The following TSPYL2 variants were observed in gnomAD, a reference collection of about 807,000 sequenced individuals.
The protein encoded by TSPYL2 is TSPY like 2, also known as testis-specific Y-encoded-like protein 2.
Under a neutral mutation model 33.0 loss-of-function variants are expected in TSPYL2, and 9 were observed. The observed-to-expected ratio is 0.27, with a 90% CI of 0.16 to 0.48. The LOEUF (loss-of-function observed/expected upper bound fraction) is 0.48, where lower values mean the gene tolerates loss of function less well. Ranked by LOEUF, TSPYL2 falls within the 20% of genes least tolerant of loss-of-function variation. The pLI is 0.99. For synonymous variants in TSPYL2, 330 were observed against 233.6 expected (o/e 1.41, Z -3.77); for missense variants, 636 against 586.2 (o/e 1.08, Z -0.88).
chrX:53,085,196 C>T (rs1932735129), intron 4 of TSPYL2, 31 bp from the exon 5 acceptor site: 2 of 1,184,041 alleles, frequency 1.7e-6, no homozygotes, highest in Middle Eastern at 2.4e-4. Context: ...GTACTAATGG[C>T]TGTCTTATTC....
At chrX:53,087,724 C>T in intron 6 of TSPYL2, 52 bp from the exon 7 acceptor site, 1 of 1,144,437 alleles carries the variant, frequency 8.7e-7, no homozygotes, top group Non-Finnish European at 1.2e-6. Context: ...CACCTATCTG[C>T]TCATCTAACT....
Position 53,085,882 on chromosome X carries a change from A to G in TSPYL2, c.1490A>G (p.Glu497Gly). The G allele has an allele frequency of 8.3e-7, 1 of 1,211,948 alleles. No individual in the cohort carries two copies. ...VPNNETTDNNESADDHETTDN... is the reference protein window; with the variant it reads ...VPNNETTDNNGSADDHETTDN... Reference sequence around the variant, plus strand: ...AACAACGAGACCACTGATAACAACGAGAGTGCTGATGACCACGAAACCACT... The same window carrying G: ...AACAACGAGACCACTGATAACAACGGGAGTGCTGATGACCACGAAACCACT... Residue 497 changes from glutamate (E) to glycine (G), a missense_variant, in exon 6 of 7, where the codon GAG becomes GGG. This residue lies in a region of TSPYL2 where 401 missense variants were observed against 363.0 expected (regional missense o/e 1.10). Transcript: ENST00000375442.
Position 53,085,720 on chromosome X carries a change from T to C in TSPYL2, c.1328T>C (p.Ile443Thr). Residue 443 changes from isoleucine to threonine, a missense_variant, in exon 6 of 7, where the codon ATT (isoleucine) becomes ACT (threonine). Ile to Thr is a moderately conservative substitution (Grantham distance 89). Transcript: ENST00000375442. ...VEDIFSEISDIDETIHDIKIS... is the reference protein window; with the variant it reads ...VEDIFSEISDTDETIHDIKIS... ...GACATTTTCAGCGAGATCTCAGACA[T>C]TGATGAGACAATTCATGACATCAAG... 2 of 1,211,584 alleles carry C rather than the reference T, an allele frequency of 1.7e-6. No individual in the cohort carries two copies. Among genetic ancestry groups the C allele is most frequent in the Non-Finnish European group, 2.2e-6 (2 of 895,351 alleles).
chrX:53,088,263 C>T lies in TSPYL2; in HGVS notation c.*324C>T. On this transcript the variant is annotated 3_prime_UTR_variant, in exon 7 of 7. Coordinates refer to ENST00000375442, the MANE Select transcript of TSPYL2 (RefSeq NM_022117.4). ...TGTGGCCCCAGCCCCTCTCCCTGTGCTGTGTGGAGTGGACACCCTGACCCC... is the reference window on the plus strand; with the variant it reads ...TGTGGCCCCAGCCCCTCTCCCTGTGTTGTGTGGAGTGGACACCCTGACCCC... 1 of 237,818 alleles carries T rather than the reference C, an allele frequency of 4.2e-6. No individual in the cohort carries two copies. Among genetic ancestry groups the T allele is most frequent in the South Asian group, 1.1e-4 (1 of 8,725 alleles). The allele number at this position is 237,818 out of a possible 1,213,427, so 19.6% of individuals were successfully genotyped here. A position where few individuals can be genotyped will look rare whatever the true frequency, so the allele number is the denominator to read the frequency against.
At chrX:53,087,345 G>C in intron 6 of TSPYL2, 1 of 122,755 alleles carries the variant, frequency 8.1e-6, no homozygotes, top group Admixed American at 8.2e-5. Flanking sequence ...CCAGCCCTGA[G>C]GGTGGGAGTG....
intron 1 of TSPYL2, among the ~76,000 whole-genome samples, chrX:53,084,044 G>T (rs1285882364): frequency 2.7e-5 from 3 of 111,812 alleles, no homozygotes; most frequent in Non-Finnish European, 5.7e-5. Context: ...GAGGCCCTTA[G>T]CACCCAGGCA....
At chrX:53,087,237 A>G (rs1446130435) in intron 6 of TSPYL2, 1 of 112,608 alleles carries the variant, frequency 8.9e-6, no homozygotes, top group Non-Finnish European at 1.9e-5. Flanking sequence ...CTCAATCTAG[A>G]CATGTTCAGG....
intron 1 of TSPYL2, among the ~76,000 whole-genome samples, chrX:53,083,605 A>G (rs1419617650): frequency 1.9e-5 from 2 of 107,657 alleles, no homozygotes; most frequent in African/African-American, 6.8e-5. Context: ...GATGATAAAA[A>G]GGGGGAGGGT....
Position 53,083,050 on chromosome X carries a change from G to C in TSPYL2, c.552G>C (p.Arg184Ser). Residue 184 changes from arginine to serine, a missense_variant, in exon 1 of 7, where the codon AGG becomes AGC. Transcript: ENST00000375442. ...ATGAGGATGAGCGGGAGAGTATGAG[G>C]AGCAGCAGGAGGCGGCGGCGGCGGC... ...DEDEDERESM[R>S]SSRRRRRRRR... is the part of the protein sequence containing the mutation. 8.3e-7 allele frequency: 1 copy of C among 1,205,189 alleles called. No individual in the cohort carries two copies. The highest frequency in any genetic ancestry group is 1.1e-6 in the Non-Finnish European group (1 of 891,724).
Position 53,082,886 on chromosome X carries a change from A to G in TSPYL2, c.388A>G (p.Ile130Val), listed in dbSNP as rs1250546800. 5.0e-5 allele frequency: 61 copies of G among 1,208,018 alleles called. No individual in the cohort carries two copies. The highest frequency in any genetic ancestry group is 6.6e-5 in the Non-Finnish European group (59 of 894,561). ...TPEASGGSLE[I>V]DFQVVQSSSF... ...TGAGGCCTCGGGGGGGAGCCTGGAA[A>G]TCGATTTTCAGGTTGTACAGTCGAG... The change falls in exon 1 of 7, where the codon ATC (isoleucine) becomes GTC (valine). Residue 130 changes from isoleucine to valine, a missense_variant. Coordinates refer to ENST00000375442, the MANE Select transcript of TSPYL2 (RefSeq NM_022117.4).
At position 53,088,212 on chromosome X, in the gene TSPYL2, C is replaced by T. The variant is rs906397755; in HGVS notation, c.*273C>T. The T allele has an allele frequency of 3.7e-5, 12 of 325,644 alleles. No homozygotes were observed. The highest frequency in any genetic ancestry group is 5.4e-5 in the Non-Finnish European group (10 of 184,930). 26.8% of individuals were successfully genotyped at this position (325,644 alleles called of 1,213,427 possible). On this transcript the variant is annotated 3_prime_UTR_variant, in exon 7 of 7. Coordinates refer to ENST00000375442, the MANE Select transcript of TSPYL2 (RefSeq NM_022117.4). ...TTTATTGTGATGCCTTGGTCAGGGCCCCTCTACCCACTTCTCCCAGTCAGT... is the reference window on the plus strand; with the variant it reads ...TTTATTGTGATGCCTTGGTCAGGGCTCCTCTACCCACTTCTCCCAGTCAGT...
chrX:53,087,564 TCCTGCCTC>T (rs1932784848), intron 6 of TSPYL2: 1 of 422,758 alleles, frequency 2.4e-6, no homozygotes, highest in East Asian at 3.8e-5. Flanking sequence ...CACACTGCCT[TCCTGCCTC>T]CCTCCATCTC....
rs6650050 is a variant in TSPYL2, at chrX:53,084,207, C to A, written c.808-338C>A. Among the ~76,000 whole-genome samples, 205 of 112,078 alleles carry A rather than the reference C, an allele frequency of 1.8e-3. 3 individuals are homozygous for A. The East Asian group carries it at 0.046, about 25-fold the overall frequency. On this transcript the variant is annotated intron_variant, in intron 1 of 6. Coordinates refer to ENST00000375442, the MANE Select transcript of TSPYL2 (RefSeq NM_022117.4). ...CATGGACCTTCAACACCCATACATA[C>A]AATAACGTGACCACAGGCCCTCAGC... is the stretch of plus-strand genomic sequence containing the variant.
chrX:53,085,104 G>GT lies in TSPYL2; in HGVS notation c.1143+5_1143+6insT, dbSNP rs1385696541. The GT allele has an allele frequency of 5.0e-6, 6 of 1,197,999 alleles. No individual in the cohort carries two copies. The highest frequency in any genetic ancestry group is 2.2e-5 in the Admixed American group (1 of 44,683). On this transcript the variant is annotated splice_donor_region_variant and intron_variant, in intron 4 of 6. Transcript: ENST00000375442. ...GAGGCTGACAGGATTGCTGAGGTGGGGCCCTTCCTGGCATCACCAGAGAAG... is the reference window on the plus strand; with the variant it reads ...GAGGCTGACAGGATTGCTGAGGTGGGTGCCCTTCCTGGCATCACCAGAGAAG...
In TSPYL2 at chrX:53,084,851, C is replaced by T; in HGVS notation, c.982C>T (p.Gln328Ter). The change falls in exon 3 of 7, where the codon CAG becomes TAG. Residue 328 changes from glutamine (Q) to a stop codon, truncating the protein, a stop_gained. Coordinates refer to ENST00000375442, the MANE Select transcript of TSPYL2 (RefSeq NM_022117.4). LOFTEE classifies it high-confidence loss of function. ...AAACATGGTGATTGTCAAGGAGTTC[C>T]AGCGCAACCGCTCAGGTAAGTGGCA... is the stretch of plus-strand genomic sequence containing the variant. Reference protein sequence around the residue: ...FTNMVIVKEFQRNRSGRLVSH... With the variant: ...FTNMVIVKEF 8.3e-7 allele frequency: 1 copy of T among 1,210,883 alleles called. No individual in the cohort carries two copies.
At position 53,085,914 on chromosome X, in the gene TSPYL2, A is replaced by G. The variant is rs891589662; in HGVS notation, c.1522A>G (p.Asn508Asp). The change falls in exon 6 of 7, where the codon AAT becomes GAT. Residue 508 changes from asparagine to aspartate, a missense_variant. Around this residue, in one of 3 missense-constraint regions of TSPYL2, gnomAD observed 401 missense variants for 363.0 expected, o/e 1.10. Transcript: ENST00000375442. Reference sequence around the variant, plus strand: ...TGATGACCACGAAACCACTGACAACAATGAGAGTGCAGATGACAACAACGA... The same window carrying G: ...TGATGACCACGAAACCACTGACAACGATGAGAGTGCAGATGACAACAACGA... Reference protein sequence around the residue: ...SADDHETTDNNESADDNNENP... With the variant: ...SADDHETTDNDESADDNNENP... 9.1e-6 allele frequency: 11 copies of G among 1,209,036 alleles called. No homozygotes were observed. The Admixed American group carries it at 1.8e-4, about 19-fold the overall frequency.
intron 4 of TSPYL2, 56 bp downstream of exon 4, chrX:53,085,155 C>A: frequency 8.4e-7 from 1 of 1,185,395 alleles, no homozygotes; most frequent in Non-Finnish European, 1.1e-6. Context: ...TTCCTGGGTG[C>A]GTGGGGAATT....
intron 6 of TSPYL2, 83 bp from the exon 7 acceptor site, chrX:53,087,691 GTC>G: frequency 2.9e-6 from 3 of 1,041,502 alleles, no homozygotes. Context: ...CCTGGCTATG[GTC>G]TCTGTTCCCT....
chrX:53,084,734 C>T (rs1932720648), intron 2 of TSPYL2, 21 bp from the exon 3 acceptor site: 1 of 1,191,281 alleles, frequency 8.4e-7, no homozygotes, highest in Non-Finnish European at 1.1e-6. Flanking sequence ...CAGATTCCAC[C>T]ATCACCCCCA....
Sources: gnomAD v4.1 joint callset for allele counts (sites outside exome capture counted in the v4.1 genomes callset) on GRCh38, gnomAD v4.1.1 for gene constraint, gnomAD v4.1.1 regional missense constraint, MANE v1.5 for transcripts, NCBI Gene and HGNC (gene_info 2026-07-23, HGNC 2026-07-21) for gene names.